Variants in SH3D19 observed in about 807,000 individuals in gnomAD.
SH3D19 encodes the protein SH3 domain-containing protein 19.
SH3D19 carries 58 observed loss-of-function variants against 112.1 expected under a neutral mutation model. That is an observed-to-expected ratio of 0.52 (90% CI 0.42 to 0.64). The LOEUF is 0.64. SH3D19 is among the 30% of genes least tolerant of loss of function. The pLI is 0.00. For synonymous variants in SH3D19, 391 were observed against 448.5 expected, an observed-to-expected ratio of 0.87 and a Z score of 1.62; for missense variants, 1,090 against 1,263.4, an observed-to-expected ratio of 0.86 and a Z score of 2.08.
chr4:151,258,949 G>C lies in SH3D19; in HGVS notation c.113-32863C>G, dbSNP rs1163223829. On this transcript the variant is annotated intron_variant, in intron 1 of 19. Transcript: ENST00000604030. Reference sequence around the variant, plus strand: ...GGGATTTCGGGTGAGCCCCCAGAATGGGGTAAGCCCTAGGTAGGGACAGGG... The same window carrying C: ...GGGATTTCGGGTGAGCCCCCAGAATCGGGTAAGCCCTAGGTAGGGACAGGG... Among the ~76,000 whole-genome samples the C allele has an allele frequency of 3.2e-4, 42 of 131,716 alleles. 1 individual carries two copies. The highest frequency in any genetic ancestry group is 1.8e-5 in the Non-Finnish European group (1 of 54,156). 86.4% of individuals were successfully genotyped at this position (131,716 alleles called of 152,430 possible). A position where few individuals can be genotyped will look rare whatever the true frequency, so the allele number is the denominator to read the frequency against.
intron 9 of SH3D19, among the ~76,000 whole-genome samples, chr4:151,150,942 A>T (rs1177602720): frequency 6.6e-6 from 1 of 150,834 alleles, no homozygotes; most frequent in Non-Finnish European, 1.5e-5. Flanking sequence ...GAGGGGGAAA[A>T]AGCCCTCACA....
At chr4:151,145,339 G>A (rs1753730026) in intron 11 of SH3D19, among the ~76,000 whole-genome samples, 1 of 152,152 alleles carries the variant, frequency 6.6e-6, no homozygotes, top group Non-Finnish European at 1.5e-5. Context: ...TGAAGCAGCT[G>A]AAGAACCACA....
intron 12 of SH3D19, chr4:151,141,127 A>G (rs1354842986): frequency 4.6e-5 from 7 of 152,236 alleles, no homozygotes; most frequent in Non-Finnish European, 1.0e-4. Context: ...TAGGTCTGAC[A>G]TGGCTTTTTT....
intron 7 of SH3D19, among the ~76,000 whole-genome samples, chr4:151,173,320 T>C (rs1393705962): frequency 6.6e-6 from 1 of 152,220 alleles, no homozygotes; most frequent in Non-Finnish European, 1.5e-5. Flanking sequence ...TGTTGCCTGG[T>C]TAAGGATTCA....
At chr4:151,265,877 G>A (rs371672018) in intron 1 of SH3D19, among the ~76,000 whole-genome samples, 9 of 151,940 alleles carry the variant, frequency 5.9e-5, no homozygotes, top group Non-Finnish European at 1.0e-4. Context: ...GAGCCACAGC[G>A]CCTGGCCCCC....
intron 1 of SH3D19, among the ~76,000 whole-genome samples, chr4:151,295,026 G>A (rs1471204759): frequency 6.6e-6 from 1 of 152,210 alleles, no homozygotes; most frequent in African/African-American, 2.4e-5. Context: ...AGGAAGAACA[G>A]GCCGGTCAAT....
intron 1 of SH3D19, among the ~76,000 whole-genome samples, chr4:151,251,761 G>T (rs549618849): frequency 1.3e-5 from 2 of 152,152 alleles, no homozygotes; most frequent in African/African-American, 4.8e-5. Flanking sequence ...CCATGTTGCT[G>T]AGCAGCACTG....
At position 151,121,365 on chromosome 4, in the gene SH3D19, A is replaced by C. The variant is rs1002448264; in HGVS notation, c.*726T>G. On this transcript the variant is annotated 3_prime_UTR_variant, in exon 20 of 20. Coordinates refer to ENST00000604030, the MANE Select transcript of SH3D19 (RefSeq NM_001378122.1). ...AAAGTATACACTGAGGAAAAAAATA[A>C]GTATGGCACATATATGGAAGGATTA... 6.6e-6 allele frequency: 1 copy of C among 152,628 alleles called. No homozygotes were observed. The highest frequency in any genetic ancestry group is 2.4e-5 in the African/African-American group (1 of 41,470). The allele number at this position is 152,628 out of a possible 1,614,324, so 9.5% of individuals were successfully genotyped here.
At chr4:151,238,227 T>C (rs531227913) in intron 1 of SH3D19, among the ~76,000 whole-genome samples, 2 of 152,236 alleles carry the variant, frequency 1.3e-5, no homozygotes, top group South Asian at 4.2e-4. Context: ...CTGAGTAGGA[T>C]GAAAGAGTGG....
At chr4:151,124,367 A>T (rs1475107313) in intron 19 of SH3D19, among the ~76,000 whole-genome samples, 1 of 150,494 alleles carries the variant, frequency 6.6e-6, no homozygotes, top group African/African-American at 2.4e-5. Flanking sequence ...TTGGCCTCCC[A>T]AAGTGCTGGG....
chr4:151,204,282 C>T, intron 2 of SH3D19, among the ~76,000 whole-genome samples: 1 of 152,116 alleles, frequency 6.6e-6, no homozygotes, highest in East Asian at 1.9e-4. Flanking sequence ...GACAAGTAGG[C>T]CCATTCACAG....
intron 2 of SH3D19, among the ~76,000 whole-genome samples, chr4:151,214,314 C>G (rs2149915134): frequency 6.6e-6 from 1 of 150,634 alleles, no homozygotes; most frequent in East Asian, 2.0e-4. Context: ...ATCTTTTCCC[C>G]ACCTTTCCCC....
chr4:151,318,320 A>T (rs1730212112), intron 1 of SH3D19, among the ~76,000 whole-genome samples: 1 of 150,660 alleles, frequency 6.6e-6, no homozygotes, highest in Non-Finnish European at 1.5e-5. Flanking sequence ...AAAAAAAAAA[A>T]AGAAAGAAAG....
chr4:151,228,507 ATATACT>A (rs1283245250), intron 1 of SH3D19, among the ~76,000 whole-genome samples: 1 of 146,108 alleles, frequency 6.8e-6, no homozygotes, highest in African/African-American at 2.5e-5. Flanking sequence ...TGTGTGTCTT[ATATACT>A]TATACTTTTT....
intron 16 of SH3D19, 101 bp from the exon 17 acceptor site, chr4:151,132,484 ACT>A (rs1750936012): frequency 1.0e-6 from 1 of 989,548 alleles, no homozygotes; most frequent in African/African-American, 1.6e-5. Flanking sequence ...GGGAGTGAAG[ACT>A]CTGGGATTCC....
chr4:151,209,715 T>C (rs955113957), intron 2 of SH3D19, among the ~76,000 whole-genome samples: 2 of 152,212 alleles, frequency 1.3e-5, no homozygotes, highest in Non-Finnish European at 2.9e-5. Context: ...ACAGTCCAGA[T>C]TTCAAATACA....
intron 1 of SH3D19, among the ~76,000 whole-genome samples, chr4:151,233,163 A>C (rs1386499664): frequency 6.6e-6 from 1 of 151,768 alleles, no homozygotes; most frequent in Non-Finnish European, 1.5e-5. Flanking sequence ...CATCACCCCC[A>C]GATGGGACCA....
intron 17 of SH3D19, among the ~76,000 whole-genome samples, chr4:151,129,792 A>G (rs1750232074): frequency 6.6e-6 from 1 of 152,218 alleles, no homozygotes; most frequent in Non-Finnish European, 1.5e-5. Flanking sequence ...TGGGGTTACT[A>G]AGAGGATTAA....
chr4:151,243,019 G>A lies in SH3D19; in HGVS notation c.113-16933C>T, dbSNP rs1019680172. ...TCCCAATAACAACTCCAGGTGACAG[G>A]TGCACTGATAATTCTATGAGGTAAT... On this transcript the variant is annotated intron_variant, in intron 1 of 19. Transcript: ENST00000604030. Among the ~76,000 whole-genome samples the A allele has an allele frequency of 6.6e-5, 10 of 152,140 alleles. No individual in the cohort carries two copies. In the East Asian group the frequency reaches 1.5e-3, roughly 23 times the overall value.
Sources: allele counts gnomAD v4.1 joint callset (sites outside exome capture counted in the v4.1 genomes callset), GRCh38; gene constraint gnomAD v4.1.1; transcripts MANE v1.5; gene names NCBI Gene and HGNC (gene_info 2026-07-23, HGNC 2026-07-21).